The following ZNF718 variants were observed in gnomAD, a reference collection of about 807,000 sequenced individuals.
ZNF718 encodes zinc finger protein 718.
A neutral mutation model predicts 2.6 loss-of-function variants in ZNF718; 3 were observed. The observed-to-expected ratio is 1.16, with a 90% CI of 0.53 to 3.01. The LOEUF (loss-of-function observed/expected upper bound fraction) is 3.01. Among genes scored for constraint, ZNF718 ranks in the 30% most tolerant of loss-of-function variants. The probability of loss-of-function intolerance (pLI) is 0.03; values close to 1 mark genes in which losing one functional copy is unlikely to be tolerated. For synonymous variants in ZNF718, 135 were observed against 77.9 expected, an observed-to-expected ratio of 1.73 and a Z score of -3.86; for missense variants, 468 against 230.0, an observed-to-expected ratio of 2.03 and a Z score of -6.69.
intron 3 of ZNF718, among the ~76,000 whole-genome samples, chr4:143,938 A>G (rs1246056005): frequency 6.6e-6 from 1 of 152,176 alleles, no homozygotes; most frequent in Non-Finnish European, 1.5e-5. Flanking sequence ...ATAAGGATTT[A>G]TGGGGATCAC....
At chr4:146,335 T>G (rs1716063272) in intron 3 of ZNF718, among the ~76,000 whole-genome samples, 1 of 152,080 alleles carries the variant, frequency 6.6e-6, no homozygotes, top group South Asian at 2.1e-4. Flanking sequence ...TCTCTGTTCA[T>G]TTGCACTTTA....
intron 3 of ZNF718, among the ~76,000 whole-genome samples, chr4:155,846 C>G (rs1284489840): frequency 3.9e-5 from 6 of 152,120 alleles, no homozygotes; most frequent in Non-Finnish European, 8.8e-5. Context: ...TTGGCTGTGT[C>G]TTCAGCCAAA....
chr4:169,857 A>C (rs1257176960), intron 3 of ZNF718, among the ~76,000 whole-genome samples: 83 of 151,894 alleles, frequency 5.5e-4, no homozygotes, highest in Non-Finnish European at 1.0e-3. Context: ...ATTTAAGGTT[A>C]ATATTGTTAT....
Position 161,768 on chromosome 4 carries a change from T to C in ZNF718, c.1083T>C (p.His361=), listed in dbSNP as rs782506687. Residue 361 remains histidine (H), a synonymous_variant, in exon 4 of 4, where the codon CAT becomes CAC. Coordinates refer to ENST00000510175, the MANE Select transcript of ZNF718 (RefSeq NM_001039127.6). The part of the protein sequence containing the change: ...STTLTTHKRI[H]TGEKPYTCEE... ...CTCTTACGACACATAAGAGAATCCA[T>C]ACTGGAGAGAAACCCTACACATGTG... The C allele has an allele frequency of 1.3e-6, 1 of 780,536 alleles. No individual in the cohort carries two copies. Among genetic ancestry groups the C allele is most frequent in the South Asian group, 1.3e-5 (1 of 74,590 alleles). 48.4% of individuals were successfully genotyped at this position (780,536 alleles called of 1,614,324 possible). A position where few individuals can be genotyped will look rare whatever the true frequency, so the allele number is the denominator to read the frequency against.
chr4:154,564 G>A, intron 3 of ZNF718, among the ~76,000 whole-genome samples: 1 of 152,188 alleles, frequency 6.6e-6, no homozygotes, highest in Non-Finnish European at 1.5e-5. Context: ...AGAAAGACTG[G>A]TGGCATTCTG....
intron 3 of ZNF718, among the ~76,000 whole-genome samples, chr4:171,337 G>T (rs1263608144): frequency 1.3e-5 from 2 of 152,182 alleles, no homozygotes; most frequent in Non-Finnish European, 2.9e-5. Context: ...ATGTCCAGCT[G>T]TGTGCTGGTA....
intron 3 of ZNF718, among the ~76,000 whole-genome samples, chr4:195,843 G>A (rs6599311): frequency 0.043 from 6,569 of 152,110 alleles, 356 homozygotes; most frequent in African/African-American, 0.13. Context: ...ATAGGGTCAC[G>A]GAGAAGACCT....
chr4:200,210 C>T (rs1394783240), intron 3 of ZNF718, among the ~76,000 whole-genome samples: 1 of 152,140 alleles, frequency 6.6e-6, no homozygotes, highest in East Asian at 1.9e-4. Flanking sequence ...ACAGTACAAT[C>T]GGATACAAAA....
chr4:142,142 G>A (rs1354453534), intron 3 of ZNF718: 3 of 485,184 alleles, frequency 6.2e-6, no homozygotes, highest in Admixed American at 4.2e-5. Context: ...GCAGCCATTG[G>A]AACCCTTGAG....
chr4:179,066 C>G (rs538036945), intron 3 of ZNF718, among the ~76,000 whole-genome samples: 1 of 152,110 alleles, frequency 6.6e-6, no homozygotes, highest in Non-Finnish European at 1.5e-5. Flanking sequence ...TCTTTGCATG[C>G]TATCAAAGGG....
intron 3 of ZNF718, among the ~76,000 whole-genome samples, chr4:143,083 T>A (rs1179667349): frequency 6.6e-6 from 1 of 152,202 alleles, no homozygotes; most frequent in Non-Finnish European, 1.5e-5. Flanking sequence ...CCGTAACCTA[T>A]AAATAATGTG....
intron 3 of ZNF718, among the ~76,000 whole-genome samples, chr4:186,363 G>C (rs554549469): frequency 6.6e-6 from 1 of 152,102 alleles, no homozygotes; most frequent in East Asian, 1.9e-4. Flanking sequence ...CTGTTAGTCT[G>C]ATGGGCTTCT....
At chr4:150,471 G>C (rs538690712) in intron 3 of ZNF718, among the ~76,000 whole-genome samples, 2 of 152,044 alleles carry the variant, frequency 1.3e-5, no homozygotes, top group South Asian at 4.2e-4. Context: ...ATCATTTATT[G>C]TTAGATTTCA....
At chr4:170,082 TA>T (rs201275960) in intron 3 of ZNF718, among the ~76,000 whole-genome samples, 28,198 of 152,050 alleles carry the variant, frequency 0.19, 2,810 homozygotes, top group Admixed American at 0.26. Context: ...GTCTGTAAAG[TA>T]TTTTATTTCT....
rs142617051 is a variant in ZNF718 at position 161,815 on chromosome 4, A to G, written c.1130A>G (p.Asn377Ser). ...TGTGAAGAATGTGGAAAAGCCTTTA[A>G]TTGGTCCTCAACCCTTAATGTACAC... ...YTCEECGKAF[N>S]WSSTLNVHKR... The change falls in exon 4 of 4, where the codon AAT becomes AGT. Residue 377 changes from asparagine to serine, a missense_variant. Asn to Ser is a conservative substitution (Grantham distance 46, BLOSUM62 1). Coordinates refer to ENST00000510175, the MANE Select transcript of ZNF718 (RefSeq NM_001039127.6). The G allele has an allele frequency of 1.3e-6, 1 of 780,906 alleles. No individual in the cohort carries two copies. Among genetic ancestry groups the G allele is most frequent in the Non-Finnish European group, 2.4e-6 (1 of 418,040 alleles). The allele number at this position is 780,906 out of a possible 1,614,324, so 48.4% of individuals were successfully genotyped here.
intron 3 of ZNF718, among the ~76,000 whole-genome samples, chr4:196,768 G>T (rs991580165): frequency 6.6e-6 from 1 of 152,002 alleles, no homozygotes; most frequent in African/African-American, 2.4e-5. Flanking sequence ...AAGGGTTGGG[G>T]GTTGTTAGAA....
At chr4:188,959 A>AT (rs36024882) in intron 3 of ZNF718, among the ~76,000 whole-genome samples, 225 of 146,576 alleles carry the variant, frequency 1.5e-3, no homozygotes, top group Middle Eastern at 0.015. Flanking sequence ...TGTGTGTTTG[A>AT]TTTTTTTTTT....
At chr4:159,153 C>T (rs1553814380) in intron 3 of ZNF718, among the ~76,000 whole-genome samples, 1 of 151,468 alleles carries the variant, frequency 6.6e-6, no homozygotes, top group Non-Finnish European at 1.5e-5. Context: ...TCTTTTGCCT[C>T]AGCCTCCCGA....
rs1454856955 is a variant in ZNF718, at chr4:170,658, C to T, written c.227-30423C>T. Among the ~76,000 whole-genome samples the T allele has an allele frequency of 5.9e-5, 9 of 152,274 alleles. No individual in the cohort carries two copies. In the South Asian group the frequency reaches 1.0e-3, roughly 18 times the overall value. ...ATTGAATCAGCTACTGAGGTTTGTG[C>T]GTTCGTCATGTAGTTCTCATGCCTT... On this transcript the variant is annotated intron_variant and NMD_transcript_variant, in intron 3 of 4. Transcript: ENST00000642529.
Sources: gnomAD v4.1 joint callset for allele counts (sites outside exome capture counted in the v4.1 genomes callset) on GRCh38, gnomAD v4.1.1 for gene constraint, MANE v1.5 for transcripts, NCBI Gene and HGNC (gene_info 2026-07-23, HGNC 2026-07-21) for gene names.